KIFC3: variants seen among roughly 807,000 people sequenced by gnomAD.
KIFC3 encodes kinesin-like protein KIFC3.
KIFC3 carries 60 observed loss-of-function variants against 101.8 expected under a neutral mutation model. The ratio of observed to expected loss-of-function variants is 0.59; its 90% CI spans 0.48 to 0.73. KIFC3 has a LOEUF of 0.73. Ranked by LOEUF, KIFC3 falls within the 30% of genes least tolerant of loss-of-function variation. The pLI is 0.00. For missense variants in KIFC3, 966 were observed against 1,137.1 expected, an observed-to-expected ratio of 0.85 and a Z score of 2.16; for synonymous variants, 476 against 482.7, an observed-to-expected ratio of 0.99 and a Z score of 0.18.
chr16:57,812,998 A>C (rs539390630), intron 1 of KIFC3, among the ~76,000 whole-genome samples: 1 of 152,176 alleles, frequency 6.6e-6, no homozygotes, highest in South Asian at 2.1e-4. Context: ...GCAGGAGCTC[A>C]TTCCACTTGT....
intron 1 of KIFC3, among the ~76,000 whole-genome samples, chr16:57,844,632 G>T (rs543685281): frequency 6.6e-6 from 1 of 152,142 alleles, no homozygotes; most frequent in African/African-American, 2.4e-5. Context: ...GGCCTGTGCT[G>T]GGGTCTCTGT....
At chr16:57,766,057 G>A (rs575972587) in intron 10 of KIFC3, among the ~76,000 whole-genome samples, 4 of 152,300 alleles carry the variant, frequency 2.6e-5, no homozygotes, top group Admixed American at 1.3e-4. Flanking sequence ...GGAATCAGAT[G>A]GGCATATAGG....
rs370271657 is a variant in KIFC3 at position 57,766,887 on chromosome 16, G to A, written c.1317C>T (p.Leu439=). 8.1e-6 allele frequency: 13 copies of A among 1,609,450 alleles called. No homozygotes were observed. The highest frequency in any genetic ancestry group is 1.6e-4 in the Middle Eastern group (1 of 6,072). The change falls in exon 10 of 20, where the codon CTC becomes CTT. Residue 439 remains leucine (L), a synonymous_variant. Transcript: ENST00000445690. ...LQLRKKCHNE[L]VRLKGNIRVI... ...TCCTGCAGTCACCTTTCAGCCGCAC[G>A]AGCTCATTGTGGCACTTCTTACGCA...
chr16:57,770,263 C>T (rs1420803711), intron 7 of KIFC3, among the ~76,000 whole-genome samples: 1 of 152,232 alleles, frequency 6.6e-6, no homozygotes, highest in Non-Finnish European at 1.5e-5. Context: ...CTGAGCACAG[C>T]CTGTGTGCTG....
intron 3 of KIFC3, among the ~76,000 whole-genome samples, chr16:57,788,274 G>A (rs1323078674): frequency 6.6e-6 from 1 of 152,110 alleles, no homozygotes; most frequent in African/African-American, 2.4e-5. Context: ...CAGGCACTGG[G>A]AAAAAACAAA....
rs1357599122 is a variant in KIFC3, at chr16:57,802,471, G to A, written c.-141C>T. The A allele has an allele frequency of 7.1e-6, 7 of 982,884 alleles. No individual in the cohort carries two copies. Among genetic ancestry groups the A allele is most frequent in the African/African-American group, 1.8e-5 (1 of 56,912 alleles). The allele number at this position is 982,884 out of a possible 1,614,324, so 60.9% of individuals were successfully genotyped here. ...AGCTCCACGCCGCCGCCTCCTCCTC[G>A]GCCAGCCCGCTCGCGCCCCTCCCGC... On this transcript the variant is annotated 5_prime_UTR_variant, in exon 1 of 20. Transcript: ENST00000445690. The surrounding 1 kb of genome is among the most constrained non-coding windows in gnomAD (Gnocchi z 5.0).
intron 1 of KIFC3, among the ~76,000 whole-genome samples, chr16:57,848,066 G>A (rs1219379480): frequency 1.3e-5 from 2 of 152,182 alleles, no homozygotes; most frequent in Non-Finnish European, 2.9e-5. Context: ...CATTACAGGC[G>A]TGGGCCACCA....
intron 1 of KIFC3, among the ~76,000 whole-genome samples, chr16:57,829,148 T>C (rs1555478767): frequency 6.6e-6 from 1 of 152,246 alleles, no homozygotes; most frequent in East Asian, 1.9e-4. Context: ...AGGGCAAAGA[T>C]AATGATTTCA....
chr16:57,768,234 T>A (rs2050708652), intron 9 of KIFC3, among the ~76,000 whole-genome samples: 1 of 152,006 alleles, frequency 6.6e-6, no homozygotes, highest in Non-Finnish European at 1.5e-5. Flanking sequence ...TAATCCCAGC[T>A]ATCCAGGAGG....
intron 1 of KIFC3, among the ~76,000 whole-genome samples, chr16:57,858,434 TC>T (rs1275974464): frequency 6.6e-6 from 1 of 152,166 alleles, no homozygotes; most frequent in Non-Finnish European, 1.5e-5. Context: ...CTGTCTCATT[TC>T]AGTAATAGCA....
intron 1 of KIFC3, among the ~76,000 whole-genome samples, chr16:57,817,591 T>C (rs958183234): frequency 2.0e-5 from 3 of 152,108 alleles, no homozygotes; most frequent in African/African-American, 7.2e-5. Context: ...GCACATGGTG[T>C]TCTCTCTGTT....
At chr16:57,819,070 G>T (rs981633537) in intron 1 of KIFC3, among the ~76,000 whole-genome samples, 1 of 152,152 alleles carries the variant, frequency 6.6e-6, no homozygotes, top group Non-Finnish European at 1.5e-5. Flanking sequence ...GAAGGGACGA[G>T]ATACAGGCAC....
upstream of KIFC3, chr16:57,807,933 A>AAAAAAAC (rs1555627224): frequency 1.4e-4 from 3 of 20,986 alleles, no homozygotes; most frequent in African/African-American, 2.4e-4. Context: ...CTGTCTTAAA[A>AAAAAAAC]AAAAAAAAAA....
intron 1 of KIFC3, among the ~76,000 whole-genome samples, chr16:57,853,145 G>A (rs541462001): frequency 5.5e-4 from 83 of 152,224 alleles, no homozygotes; most frequent in Middle Eastern, 3.4e-3. Flanking sequence ...CTGCCCGGGC[G>A]CGGTGGCTCA....
intron 3 of KIFC3, chr16:57,774,072 C>G (rs868973092): frequency 6.6e-6 from 1 of 152,246 alleles, no homozygotes; most frequent in African/African-American, 2.4e-5. Flanking sequence ...AGGGCCAGAC[C>G]CCTGGAGGTC....
intron 3 of KIFC3, among the ~76,000 whole-genome samples, chr16:57,786,964 C>T (rs1479895019): frequency 6.6e-6 from 1 of 152,206 alleles, no homozygotes. Context: ...CTCCTCCACC[C>T]GAGCACTCCA....
At position 57,776,202 on chromosome 16, in the gene KIFC3, T is replaced by C. The variant is rs888860618; in HGVS notation, c.316-3914A>G. On this transcript the variant is annotated intron_variant, in intron 3 of 19. Transcript: ENST00000445690. ...GCGGGCTCTCCCAGGCTGAAGCTGC[T>C]GAGCTGGGAAGGCCAGAGGGTCTGG... The C allele has an allele frequency of 3.2e-5, 32 of 985,394 alleles. No individual in the cohort carries two copies. In the African/African-American group the frequency reaches 5.2e-4, roughly 16 times the overall value. 61.0% of individuals were successfully genotyped at this position (985,394 alleles called of 1,614,324 possible). A position where few individuals can be genotyped will look rare whatever the true frequency, so the allele number is the denominator to read the frequency against.
At position 57,774,852 on chromosome 16, in the gene KIFC3, C is replaced by T. The variant is rs540592160; in HGVS notation, c.316-2564G>A. The T allele has an allele frequency of 3.3e-5, 45 of 1,357,200 alleles. No homozygotes were observed. In the African/African-American group the frequency reaches 3.6e-4, roughly 11 times the overall value. The allele number at this position is 1,357,200 out of a possible 1,614,324, so 84.1% of individuals were successfully genotyped here. A position where few individuals can be genotyped will look rare whatever the true frequency, so the allele number is the denominator to read the frequency against. On this transcript the variant is annotated intron_variant, in intron 3 of 19. Transcript: ENST00000445690. The stretch of plus-strand genomic sequence containing the variant: ...AGTAATTTTTCAGTCTCAAAGAATA[C>T]GTAATTCCTACTCTCCCTACCCTGA...
intron 1 of KIFC3, among the ~76,000 whole-genome samples, chr16:57,837,099 G>A (rs1458494722): frequency 6.6e-6 from 1 of 152,136 alleles, no homozygotes; most frequent in African/African-American, 2.4e-5. Flanking sequence ...TTTTGTAAGG[G>A]TGACAGAGTT....
Sources: gnomAD v4.1 joint callset for allele counts (sites outside exome capture counted in the v4.1 genomes callset) on GRCh38, gnomAD v4.1.1 for gene constraint, Gnocchi (gnomAD v3.1) non-coding constraint, MANE v1.5 for transcripts, NCBI Gene and HGNC (gene_info 2026-07-23, HGNC 2026-07-21) for gene names.